PSD3: variants seen among roughly 807,000 people sequenced by gnomAD.
The protein encoded by PSD3 is PH and SEC7 domain-containing protein 3.
PSD3 carries 49 observed loss-of-function variants against 105.5 expected under a neutral mutation model. That is an observed-to-expected ratio of 0.46 (90% CI 0.37 to 0.59). The LOEUF (loss-of-function observed/expected upper bound fraction) is 0.59. Ranked by LOEUF, PSD3 falls within the 20% of genes least tolerant of loss-of-function variation. The pLI is 0.00. For missense variants in PSD3, 1,561 were observed against 1,263.8 expected (o/e 1.24, Z -3.57); for synonymous variants, 557 against 457.8 (o/e 1.22, Z -2.77).
intron 12 of PSD3, among the ~76,000 whole-genome samples, chr8:18,584,819 T>G (rs1193264215): frequency 1.3e-5 from 2 of 152,208 alleles, no homozygotes; most frequent in Admixed American, 1.3e-4. Flanking sequence ...GCTTATTTGT[T>G]TCATGTTTTT....
chr8:18,675,474 C>T (rs1800015383), intron 9 of PSD3, among the ~76,000 whole-genome samples: 1 of 152,110 alleles, frequency 6.6e-6, no homozygotes, highest in Non-Finnish European at 1.5e-5. Flanking sequence ...GTTTCCAGTG[C>T]CTTGGGGGGC....
chr8:19,014,526 C>T (rs1827112296), upstream of PSD3: 1 of 152,268 alleles, frequency 6.6e-6, no homozygotes. The surrounding 1 kb of genome is among the most constrained non-coding windows in gnomAD (Gnocchi z 4.9). Context: ...GGTAGAGGGA[C>T]GGAGAGACCG....
At chr8:18,981,789 TA>T (rs76212161) in intron 1 of PSD3, among the ~76,000 whole-genome samples, 16,587 of 152,060 alleles carry the variant, frequency 0.11, 1,164 homozygotes, top group Non-Finnish European at 0.16. Flanking sequence ...ACTTTATTGC[TA>T]AAAAAAATAC....
intron 14 of PSD3, among the ~76,000 whole-genome samples, chr8:18,566,806 G>C (rs1032938496): frequency 2.0e-5 from 3 of 152,032 alleles, no homozygotes; most frequent in African/African-American, 7.2e-5. Context: ...TTGCATCTCT[G>C]TGGATTTATG....
At chr8:18,700,053 G>A (rs1801487956) in intron 9 of PSD3, among the ~76,000 whole-genome samples, 1 of 152,132 alleles carries the variant, frequency 6.6e-6, no homozygotes, top group Non-Finnish European at 1.5e-5. Context: ...TCATTTGCAA[G>A]GACATTTGAA....
rs1319880135 is a variant in PSD3, at chr8:18,949,575, T to C, written c.22-13433A>G. 2.6e-5 allele frequency among the ~76,000 whole-genome samples: 4 copies of C among 152,056 alleles called. 1 individual carries two copies. On this transcript the variant is annotated intron_variant, in intron 1 of 15. Transcript: ENST00000327040. ...ATCTCCAAGCAAATGATCATGAGCTTCATATCACAAAGAAAATCTGAAGTC... is the reference window on the plus strand; with the variant it reads ...ATCTCCAAGCAAATGATCATGAGCTCCATATCACAAAGAAAATCTGAAGTC...
chr8:18,994,362 A>C (rs1263454806), intron 1 of PSD3, among the ~76,000 whole-genome samples: 1 of 152,194 alleles, frequency 6.6e-6, no homozygotes, highest in Middle Eastern at 3.4e-3. Context: ...GATTACTGTA[A>C]AAAAATCCAT....
intron 4 of PSD3, 31 bp downstream of exon 4, chr8:18,867,643 A>T (rs766980163): frequency 6.4e-7 from 1 of 1,553,886 alleles, no homozygotes; most frequent in Non-Finnish European, 8.7e-7. Context: ...AAAAACCACC[A>T]GCATGAAATG....
chr8:18,581,219 T>C (rs1335525673), intron 12 of PSD3, among the ~76,000 whole-genome samples: 4 of 152,226 alleles, frequency 2.6e-5, no homozygotes, highest in Non-Finnish European at 4.4e-5. Flanking sequence ...TCAATTAAAA[T>C]GCACATTCAA....
intron 1 of PSD3, among the ~76,000 whole-genome samples, chr8:19,072,973 C>T (rs1012197419): frequency 1.3e-5 from 2 of 152,078 alleles, no homozygotes; most frequent in African/African-American, 2.4e-5. Context: ...TGAGACTATC[C>T]GAGACTGAAT....
chr8:18,668,312 AT>A (rs991647491), intron 9 of PSD3, among the ~76,000 whole-genome samples: 3 of 152,222 alleles, frequency 2.0e-5, no homozygotes, highest in Non-Finnish European at 2.9e-5. Flanking sequence ...AAAATTTCCA[AT>A]TTTTGATTTA....
chr8:19,061,007 G>C (rs911412093), intron 1 of PSD3, among the ~76,000 whole-genome samples: 1 of 152,156 alleles, frequency 6.6e-6, no homozygotes, highest in Non-Finnish European at 1.5e-5. Context: ...ACAAAACACA[G>C]TGGGGCACAT....
intron 2 of PSD3, among the ~76,000 whole-genome samples, chr8:18,933,133 C>T (rs556373901): frequency 6.6e-6 from 1 of 152,346 alleles, no homozygotes; most frequent in Non-Finnish European, 1.5e-5. Context: ...CATCCTGTCA[C>T]ACCTACAGCA....
In PSD3 at chr8:18,966,735, G is replaced by A. The variant is rs181877640; in HGVS notation, c.22-30593C>T. Among the ~76,000 whole-genome samples, 411 of 152,184 alleles carry A rather than the reference G, an allele frequency of 2.7e-3. 2 individuals carry two copies. Among genetic ancestry groups the A allele is most frequent in the African/African-American group, 9.3e-3 (388 of 41,516 alleles). ...TGCCCCAGGAGGACGCAACGTTTCC[G>A]GACCAACGGGCACATCTTCTTGGGG... On this transcript the variant is annotated intron_variant, in intron 1 of 15. Coordinates refer to ENST00000327040, the MANE Select transcript of PSD3 (RefSeq NM_015310.4).
chr8:18,834,561 A>G (rs1813941008), intron 4 of PSD3, among the ~76,000 whole-genome samples: 1 of 152,194 alleles, frequency 6.6e-6, no homozygotes, highest in South Asian at 2.1e-4. Context: ...ACCAGCTGAT[A>G]AAACTGATCC....
intron 11 of PSD3, among the ~76,000 whole-genome samples, chr8:18,609,253 C>A (rs1389966509): frequency 6.6e-6 from 1 of 152,098 alleles, no homozygotes; most frequent in Non-Finnish European, 1.5e-5. Context: ...AGGGCCTCAC[C>A]AAGAGTCTTG....
chr8:19,054,108 G>A (rs917705817), intron 1 of PSD3, among the ~76,000 whole-genome samples: 1 of 152,148 alleles, frequency 6.6e-6, no homozygotes, highest in African/African-American at 2.4e-5. Context: ...TCCCCTTCAT[G>A]GGATCCTCTA....
At chr8:18,637,182 G>A (rs1021489000) in intron 10 of PSD3, among the ~76,000 whole-genome samples, 1 of 152,156 alleles carries the variant, frequency 6.6e-6, no homozygotes, top group African/African-American at 2.4e-5. Context: ...CAGTGTTTGT[G>A]TACATTTCTT....
At chr8:18,759,393 G>T (rs1416145184) in intron 9 of PSD3, among the ~76,000 whole-genome samples, 1 of 151,968 alleles carries the variant, frequency 6.6e-6, no homozygotes, top group African/African-American at 2.4e-5. Flanking sequence ...TACATTCAAG[G>T]TATGTTTTTA....
Sources: gnomAD v4.1 joint callset for allele counts (sites outside exome capture counted in the v4.1 genomes callset) on GRCh38, gnomAD v4.1.1 for gene constraint, Gnocchi (gnomAD v3.1) non-coding constraint, MANE v1.5 for transcripts, NCBI Gene and HGNC (gene_info 2026-07-23, HGNC 2026-07-21) for gene names.